The following DNAH8 variants were observed in gnomAD, a reference collection of about 807,000 sequenced individuals.
DNAH8 encodes dynein axonemal heavy chain 8.
DNAH8 carries 382 observed loss-of-function variants against 562.1 expected under a neutral mutation model. That is an observed-to-expected ratio of 0.68 (90% CI 0.63 to 0.74). The LOEUF (loss-of-function observed/expected upper bound fraction) is 0.74, where lower values mean the gene tolerates loss of function less well. Among genes scored for constraint, DNAH8 ranks in the 30% least tolerant of loss-of-function variants. The pLI is 0.00. For synonymous variants in DNAH8, 1,881 were observed against 1,919.4 expected, an observed-to-expected ratio of 0.98 and a Z score of 0.52; for missense variants, 5,203 against 5,620.4, an observed-to-expected ratio of 0.93 and a Z score of 2.37.
In DNAH8 at chr6:38,873,006, T is replaced by G; in HGVS notation, c.7338T>G (p.Asn2446Lys). 1 of 1,614,192 alleles carries G rather than the reference T, an allele frequency of 6.2e-7. No individual in the cohort carries two copies. The highest frequency in any genetic ancestry group is 1.1e-5 in the South Asian group (1 of 91,084). ...LDDNKTLTLA[N>K]GDRIPMAPSC... Reference sequence around the variant, plus strand: ...ACAATAAAACTCTGACGTTAGCTAATGGAGATCGCATTCCCATGGCCCCTA... The same window carrying G: ...ACAATAAAACTCTGACGTTAGCTAAGGGAGATCGCATTCCCATGGCCCCTA... The change falls in exon 51 of 93, where the codon AAT becomes AAG. Residue 2446 changes from asparagine to lysine, a missense_variant. This residue lies in a region of DNAH8 where 977 missense variants were observed against 1,061.8 expected (regional missense o/e 0.92). Coordinates refer to ENST00000327475, the MANE Select transcript of DNAH8 (RefSeq NM_001206927.2).
chr6:38,954,186 C>G (rs1762097484), intron 82 of DNAH8, among the ~76,000 whole-genome samples: 1 of 152,102 alleles, frequency 6.6e-6, no homozygotes, highest in Non-Finnish European at 1.5e-5. Flanking sequence ...GTGGAGAAAG[C>G]AGATGGGTTT....
At chr6:38,715,958 A>ATTTTTTTTTTTTTT (rs1454056787) in intron 1 of DNAH8, among the ~76,000 whole-genome samples, 2 of 31,048 alleles carry the variant, frequency 6.4e-5, no homozygotes, top group African/African-American at 4.5e-4. Context: ...ATATATATAT[A>ATTTTTTTTTTTTTT]TATTTTTTTT....
rs925867464 is a variant in DNAH8 at position 38,723,594 on chromosome 6, G to A, written c.525+123G>A. 5 of 1,271,702 alleles carry A rather than the reference G, an allele frequency of 3.9e-6. No individual in the cohort carries two copies. In the African/African-American group the frequency reaches 6.0e-5, roughly 15 times the overall value. The allele number at this position is 1,271,702 out of a possible 1,614,324, so 78.8% of individuals were successfully genotyped here. On this transcript the variant is annotated intron_variant, in intron 3 of 92. Transcript: ENST00000327475. ...AATCATTCAGAAAGACAAAGTTGGG[G>A]CAGGGCACAGTGGCTCATGCCTGTA... is the stretch of plus-strand genomic sequence containing the variant.
chr6:38,735,589 A>G (rs905003665), intron 5 of DNAH8, among the ~76,000 whole-genome samples: 6 of 152,002 alleles, frequency 3.9e-5, no homozygotes, highest in African/African-American at 1.4e-4. Flanking sequence ...TCTGCCTTCC[A>G]TTTCATTAAT....
chr6:38,780,436 A>G (rs530405381), intron 15 of DNAH8, among the ~76,000 whole-genome samples: 10 of 152,318 alleles, frequency 6.6e-5, no homozygotes, highest in Admixed American at 5.2e-4. Flanking sequence ...TATGGAATCA[A>G]CCCAAATGCC....
intron 4 of DNAH8, among the ~76,000 whole-genome samples, chr6:38,734,013 G>T (rs1416885382): frequency 6.6e-6 from 1 of 151,478 alleles, no homozygotes; most frequent in Non-Finnish European, 1.5e-5. Flanking sequence ...GCCAGGCATG[G>T]TGGCTCACAC....
intron 57 of DNAH8, 147 bp downstream of exon 57, chr6:38,887,151 T>TA: frequency 1.6e-6 from 1 of 608,148 alleles, no homozygotes; most frequent in Admixed American, 2.9e-5. Context: ...AGGGACTAAA[T>TA]ACTAAGGTGA....
chr6:38,900,092 G>A (rs965464414), intron 62 of DNAH8, among the ~76,000 whole-genome samples, 186 bp downstream of exon 62: 1 of 152,108 alleles, frequency 6.6e-6, no homozygotes, highest in Non-Finnish European at 1.5e-5. Flanking sequence ...GTCTACAGAT[G>A]AAGAAATAAA....
intron 52 of DNAH8, among the ~76,000 whole-genome samples, chr6:38,873,996 C>A: frequency 6.7e-6 from 1 of 149,990 alleles, no homozygotes; most frequent in African/African-American, 2.5e-5. Context: ...TTGTTTTTTC[C>A]CTTTCTTCCT....
chr6:38,840,243 C>T (rs891426774), intron 33 of DNAH8, among the ~76,000 whole-genome samples: 5 of 152,188 alleles, frequency 3.3e-5, no homozygotes, highest in Admixed American at 2.0e-4. Flanking sequence ...AAAACTCGGA[C>T]AGTCATCATT....
chr6:38,880,674 G>A (rs890417215), intron 53 of DNAH8, among the ~76,000 whole-genome samples: 1 of 152,158 alleles, frequency 6.6e-6, no homozygotes, highest in African/African-American at 2.4e-5. Context: ...ATAAGTGAAA[G>A]GTGAAAAAAG....
chr6:38,725,099 T>C (rs528850383), intron 3 of DNAH8, among the ~76,000 whole-genome samples: 8 of 152,046 alleles, frequency 5.3e-5, no homozygotes, highest in Non-Finnish European at 1.2e-4. Context: ...GATCAGAAGT[T>C]CAAGACCAGC....
intron 84 of DNAH8, 50 bp downstream of exon 84, chr6:38,973,863 A>G (rs1763502876): frequency 3.4e-6 from 5 of 1,458,292 alleles, no homozygotes; most frequent in Middle Eastern, 1.8e-4. Context: ...TAAAGATGAC[A>G]TCATTGACAT....
chr6:38,902,050 G>T (rs1165251784), intron 62 of DNAH8, among the ~76,000 whole-genome samples: 2 of 152,198 alleles, frequency 1.3e-5, no homozygotes, highest in African/African-American at 4.8e-5. Flanking sequence ...GGCATTATCT[G>T]TCTGATTCCT....
intron 18 of DNAH8, among the ~76,000 whole-genome samples, chr6:38,787,876 C>T (rs933854372): frequency 2.0e-5 from 3 of 152,034 alleles, no homozygotes; most frequent in African/African-American, 7.2e-5. Context: ...TGCATTAACT[C>T]CTCTTCTTTG....
At chr6:38,928,901 C>G (rs939850566) in intron 74 of DNAH8, among the ~76,000 whole-genome samples, 1 of 152,244 alleles carries the variant, frequency 6.6e-6, no homozygotes, top group South Asian at 2.1e-4. Flanking sequence ...ACGCATTAAT[C>G]TAAACACGAA....
chr6:38,734,287 A>AC (rs1173409043), intron 4 of DNAH8, among the ~76,000 whole-genome samples, 187 bp from the exon 5 acceptor site: 1 of 149,182 alleles, frequency 6.7e-6, no homozygotes, highest in Non-Finnish European at 1.5e-5. Context: ...CTGTCTCAAA[A>AC]AAAAAAAAAA....
intron 24 of DNAH8, among the ~76,000 whole-genome samples, chr6:38,809,500 T>A (rs528701267): frequency 1.6e-4 from 25 of 152,348 alleles, no homozygotes; most frequent in African/African-American, 5.3e-4. Flanking sequence ...ATCAACTTAC[T>A]TGTGAGGTCA....
intron 80 of DNAH8, among the ~76,000 whole-genome samples, chr6:38,947,285 G>GC (rs1288995718): frequency 1.2e-4 from 18 of 152,184 alleles, no homozygotes; most frequent in Non-Finnish European, 2.9e-5. Context: ...CAGTCAGGTG[G>GC]CCATCAGTCT....
Sources: allele counts gnomAD v4.1 joint callset (sites outside exome capture counted in the v4.1 genomes callset), GRCh38; gene constraint gnomAD v4.1.1; regional missense constraint gnomAD v4.1.1; transcripts MANE v1.5; gene names NCBI Gene and HGNC (gene_info 2026-07-23, HGNC 2026-07-21).